The following ZNF804A variants were observed in gnomAD, a reference collection of about 807,000 sequenced individuals.
The protein encoded by ZNF804A is zinc finger protein 804A.
Under a neutral mutation model 16.5 loss-of-function variants are expected in ZNF804A, and 2 were observed. The ratio of observed to expected loss-of-function variants is 0.12; its 90% CI spans 0.05 to 0.38. The LOEUF is 0.38. Ranked by LOEUF, ZNF804A falls within the 10% of genes least tolerant of loss-of-function variation. The probability of loss-of-function intolerance (pLI) is 0.99; values close to 1 mark genes in which losing one functional copy is unlikely to be tolerated. For synonymous variants in ZNF804A, 534 were observed against 489.6 expected, an observed-to-expected ratio of 1.09 and a Z score of -1.20; for missense variants, 1,473 against 1,390.7, an observed-to-expected ratio of 1.06 and a Z score of -0.94.
chr2:184,707,832 T>A (rs981637892), intron 1 of ZNF804A, among the ~76,000 whole-genome samples: 2 of 152,138 alleles, frequency 1.3e-5, no homozygotes, highest in Admixed American at 1.3e-4. Context: ...CTGGGTGGAA[T>A]GGTAGTTCGA....
At chr2:184,680,004 C>G (rs986921360) in intron 1 of ZNF804A, among the ~76,000 whole-genome samples, 2 of 152,196 alleles carry the variant, frequency 1.3e-5, no homozygotes, top group African/African-American at 4.8e-5. Flanking sequence ...CATGGCCACT[C>G]ATGGACCAAT....
At chr2:184,643,842 G>A (rs112034852) in intron 1 of ZNF804A, among the ~76,000 whole-genome samples, 2,686 of 151,308 alleles carry the variant, frequency 0.018, 58 homozygotes, top group African/African-American at 0.061. Context: ...TTTTAAAAAG[G>A]CATTGGAAAA....
chr2:184,611,749 G>A (rs1367002145), intron 1 of ZNF804A, among the ~76,000 whole-genome samples: 3 of 152,024 alleles, frequency 2.0e-5, no homozygotes, highest in African/African-American at 7.2e-5. Flanking sequence ...AATATACTTA[G>A]GACAATTTTA....
intron 1 of ZNF804A, among the ~76,000 whole-genome samples, chr2:184,865,732 T>G (rs1236363143): frequency 2.0e-5 from 3 of 152,168 alleles, no homozygotes; most frequent in African/African-American, 4.8e-5. Context: ...AACAATCTGC[T>G]TGTGCAGTTT....
intron 2 of ZNF804A, among the ~76,000 whole-genome samples, chr2:184,923,650 GT>G (rs1279595860): frequency 1.3e-5 from 2 of 151,954 alleles, no homozygotes; most frequent in African/African-American, 4.8e-5. Flanking sequence ...AAGGTTTTCA[GT>G]TTTTTCCTCA....
intron 1 of ZNF804A, among the ~76,000 whole-genome samples, chr2:184,712,849 T>C (rs1693151012): frequency 6.6e-6 from 1 of 151,760 alleles, no homozygotes; most frequent in Non-Finnish European, 1.5e-5. Context: ...CTCCAGAGTT[T>C]CTCTTTGCTT....
chr2:184,642,860 A>C (rs1691814475), intron 1 of ZNF804A, among the ~76,000 whole-genome samples: 2 of 152,188 alleles, frequency 1.3e-5, no homozygotes, highest in South Asian at 4.1e-4. Context: ...GTTGAAAACA[A>C]AATCTTTTAG....
intron 1 of ZNF804A, among the ~76,000 whole-genome samples, chr2:184,666,387 A>G (rs1464230263): frequency 6.6e-6 from 1 of 152,134 alleles, no homozygotes; most frequent in African/African-American, 2.4e-5. Context: ...CTACAAGTAC[A>G]GTATGATAAT....
intron 2 of ZNF804A, among the ~76,000 whole-genome samples, chr2:184,897,672 C>G (rs985476112): frequency 1.3e-5 from 2 of 152,092 alleles, no homozygotes; most frequent in Non-Finnish European, 2.9e-5. Flanking sequence ...CATAGACATT[C>G]ATCTTATACT....
At chr2:184,801,896 G>A (rs550654776) in intron 1 of ZNF804A, among the ~76,000 whole-genome samples, 8 of 152,182 alleles carry the variant, frequency 5.3e-5, no homozygotes, top group African/African-American at 1.9e-4. Flanking sequence ...GATGGAAATG[G>A]GGAAATATGC....
chr2:184,642,683 A>T (rs182426173), intron 1 of ZNF804A, among the ~76,000 whole-genome samples: 1 of 152,158 alleles, frequency 6.6e-6, no homozygotes, highest in African/African-American at 2.4e-5. Context: ...CTCTGGCAAC[A>T]TCCCCAACTC....
intron 1 of ZNF804A, among the ~76,000 whole-genome samples, chr2:184,656,613 A>G (rs1469015171): frequency 6.6e-6 from 1 of 152,106 alleles, no homozygotes; most frequent in Non-Finnish European, 1.5e-5. Flanking sequence ...TCTCTTCCTC[A>G]GAACATACTC....
At chr2:184,747,551 G>A (rs959928478) in intron 1 of ZNF804A, among the ~76,000 whole-genome samples, 11 of 150,570 alleles carry the variant, frequency 7.3e-5, no homozygotes, top group Non-Finnish European at 7.4e-5. Flanking sequence ...TAATATAAGC[G>A]GAAATAAAAA....
intron 1 of ZNF804A, among the ~76,000 whole-genome samples, chr2:184,845,321 T>C (rs1352977388): frequency 6.6e-6 from 1 of 152,160 alleles, no homozygotes; most frequent in Non-Finnish European, 1.5e-5. Context: ...TAAATAGACC[T>C]TCAGTCTTTG....
chr2:184,638,018 G>T (rs1285909348), intron 1 of ZNF804A, among the ~76,000 whole-genome samples: 1 of 152,136 alleles, frequency 6.6e-6, no homozygotes, highest in East Asian at 1.9e-4. Flanking sequence ...GTATTGTAAA[G>T]AACCTTCCCC....
rs149338667 is a variant in ZNF804A at position 184,842,215 on chromosome 2, A to G, written c.112-24154A>G. Among the ~76,000 whole-genome samples, 86 of 152,296 alleles carry G rather than the reference A, an allele frequency of 5.6e-4. 1 individual carries two copies. Among genetic ancestry groups the G allele is most frequent in the Non-Finnish European group, 1.0e-3 (68 of 68,014 alleles). On this transcript the variant is annotated intron_variant, in intron 1 of 3. Coordinates refer to ENST00000302277, the MANE Select transcript of ZNF804A (RefSeq NM_194250.2). ...GCTGTGCTAACAATGTGTCAAGTGC[A>G]CAGACTATCACTCCCATTTGGAGTT...
chr2:184,913,392 T>C (rs1234674079), intron 2 of ZNF804A, among the ~76,000 whole-genome samples: 1 of 152,200 alleles, frequency 6.6e-6, no homozygotes, highest in Non-Finnish European at 1.5e-5. Flanking sequence ...CAAGTTATTC[T>C]CTAGAGTCCA....
intron 1 of ZNF804A, among the ~76,000 whole-genome samples, chr2:184,704,114 A>C (rs1251059442): frequency 6.6e-6 from 1 of 151,984 alleles, no homozygotes; most frequent in Admixed American, 6.6e-5. Context: ...ATTGGTATTT[A>C]GAGAAGAGAG....
At chr2:184,813,221 T>C (rs1253647063) in intron 1 of ZNF804A, among the ~76,000 whole-genome samples, 1 of 152,096 alleles carries the variant, frequency 6.6e-6, no homozygotes, top group East Asian at 1.9e-4. Context: ...GGTAACTTAG[T>C]AGGCACTATG....
Sources: allele counts gnomAD v4.1 joint callset (sites outside exome capture counted in the v4.1 genomes callset), GRCh38; gene constraint gnomAD v4.1.1; transcripts MANE v1.5; gene names NCBI Gene and HGNC (gene_info 2026-07-23, HGNC 2026-07-21).